The following GOSR1 variants were observed in gnomAD, a reference collection of about 807,000 sequenced individuals.
GOSR1 encodes 28 kDa Golgi SNARE protein.
In GOSR1, 21 loss-of-function variants were observed where a neutral mutation model predicts 35.5. The observed-to-expected ratio is 0.59, with a 90% CI of 0.42 to 0.85. GOSR1 has a LOEUF of 0.85. GOSR1 is among the 40% of genes least tolerant of loss of function. GOSR1 has a pLI of 0.00. For synonymous variants in GOSR1, 94 were observed against 106.6 expected (o/e 0.88, Z 0.73); for missense variants, 285 against 309.6 (o/e 0.92, Z 0.60).
chr17:30,477,915 T>A, intron 1 of GOSR1: 1 of 984,382 alleles, frequency 1.0e-6, no homozygotes, highest in Non-Finnish European at 1.2e-6. Flanking sequence ...AGGAGGAACT[T>A]GCATTCCGGT....
chr17:30,480,745 T>G (rs1567894521), intron 1 of GOSR1: 1 of 91,480 alleles, frequency 1.1e-5, no homozygotes, highest in East Asian at 3.1e-4. Context: ...ATAGTTTTGT[T>G]CTTGTTACCC....
At chr17:30,484,098 T>C (rs1336617205) in intron 2 of GOSR1, 116 bp from the exon 3 acceptor site, 1 of 668,056 alleles carries the variant, frequency 1.5e-6, no homozygotes, top group Non-Finnish European at 2.7e-6. Context: ...TCACAGACCC[T>C]ATATAACATA....
rs76806222 is a variant in GOSR1 at position 30,522,594 on chromosome 17, A to T, written c.*216A>T. On this transcript the variant is annotated 3_prime_UTR_variant, in exon 9 of 9. Transcript: ENST00000451249. Reference sequence around the variant, plus strand: ...CTAACACATTTTTCTGTTTTTAATTAAAAAAAAAAAAAAAAGGTTTTCAGT... The same window carrying T: ...CTAACACATTTTTCTGTTTTTAATTTAAAAAAAAAAAAAAAGGTTTTCAGT... 4.9e-5 allele frequency: 5 copies of T among 102,904 alleles called. No individual in the cohort carries two copies. The highest frequency in any genetic ancestry group is 6.6e-5 in the African/African-American group (1 of 15,178). The allele number at this position is 102,904 out of a possible 1,614,324, so 6.4% of individuals were successfully genotyped here.
At chr17:30,477,935 G>T in intron 1 of GOSR1, 1 of 983,262 alleles carries the variant, frequency 1.0e-6, no homozygotes, top group Non-Finnish European at 1.2e-6. Context: ...TCCGTCGGAG[G>T]AAGTATGAAG....
intron 6 of GOSR1, chr17:30,495,640 C>G: frequency 3.1e-6 from 1 of 318,080 alleles, no homozygotes; most frequent in South Asian, 2.5e-5. Flanking sequence ...TTTCTCCTTC[C>G]AAGCCTCTGC....
At position 30,484,298 on chromosome 17, in the gene GOSR1, A is replaced by C; in HGVS notation, c.231A>C (p.Ala77=). The change falls in exon 3 of 9, where the codon GCA becomes GCC. Residue 77 remains alanine, a synonymous_variant. Transcript: ENST00000451249. Reference sequence around the variant, plus strand: ...CGATTGAGATTGAACAACTTTTGGCAAGGGTAAGTGCTTTCTGTTAAATGG... The same window carrying C: ...CGATTGAGATTGAACAACTTTTGGCCAGGGTAAGTGCTTTCTGTTAAATGG... ...TMAIEIEQLL[A]RLTGVNDKMA... 1 of 1,584,304 alleles carries C rather than the reference A, an allele frequency of 6.3e-7. No homozygotes were observed. Among genetic ancestry groups the C allele is most frequent in the Non-Finnish European group, 8.7e-7 (1 of 1,152,870 alleles).
chr17:30,477,913 C>A, intron 1 of GOSR1: 1 of 984,612 alleles, frequency 1.0e-6, no homozygotes, highest in Non-Finnish European at 1.2e-6. Flanking sequence ...GAAGGAGGAA[C>A]TTGCATTCCG....
At chr17:30,512,501 T>C (rs1967651771) in intron 7 of GOSR1, among the ~76,000 whole-genome samples, 1 of 152,242 alleles carries the variant, frequency 6.6e-6, no homozygotes. Context: ...TTTGTATGGC[T>C]TCATGGATTC....
rs1968119192 is a variant in GOSR1, at chr17:30,523,545, C to A, written c.*1167C>A. ...GAGGTGGGGGGGTCAGCCCCCCGCC[C>A]GGCCAGCCGCCCCGTCCGGGAGGGA... On this transcript the variant is annotated 3_prime_UTR_variant, in exon 9 of 9. Transcript: ENST00000451249. 1 of 154,858 alleles carries A rather than the reference C, an allele frequency of 6.5e-6. No homozygotes were observed. Among genetic ancestry groups the A allele is most frequent in the African/African-American group, 2.5e-5 (1 of 40,172 alleles). The allele number at this position is 154,858 out of a possible 1,614,324, so 9.6% of individuals were successfully genotyped here. A position where few individuals can be genotyped will look rare whatever the true frequency, so the allele number is the denominator to read the frequency against.
intron 7 of GOSR1, among the ~76,000 whole-genome samples, chr17:30,512,231 AC>A (rs1967641867): frequency 6.6e-6 from 1 of 152,224 alleles, no homozygotes; most frequent in African/African-American, 2.4e-5. Context: ...TGATGATAAT[AC>A]TTATCTGTAA....
Position 30,481,232 on chromosome 17 carries a change from A to G in GOSR1, c.121A>G (p.Ser41Gly). ...SKLCTSYSHS[S>G]TRDGRRDSSD... The stretch of plus-strand genomic sequence containing the variant: ...ACTATGTACAAGTTACAGTCATAGC[A>G]GTACCCGAGATGGAAGACGCGACAG... The change falls in exon 2 of 9, where the codon AGT becomes GGT. Residue 41 changes from serine to glycine, a missense_variant. Ser to Gly is a moderately conservative substitution (Grantham distance 56). Around this residue, in one of 3 missense-constraint regions of GOSR1, gnomAD observed 108 missense variants for 98.9 expected, o/e 1.09. Coordinates refer to ENST00000451249, the MANE Select transcript of GOSR1 (RefSeq NM_001007025.2). 2 of 1,606,742 alleles carry G rather than the reference A, an allele frequency of 1.2e-6. No individual in the cohort carries two copies. The highest frequency in any genetic ancestry group is 1.7e-6 in the Non-Finnish European group (2 of 1,173,298).
At position 30,522,701 on chromosome 17, in the gene GOSR1, A is replaced by G. The variant is rs546972969; in HGVS notation, c.*323A>G. 2.1e-3 allele frequency: 387 copies of G among 180,300 alleles called. 1 individual carries two copies. Among genetic ancestry groups the G allele is most frequent in the African/African-American group, 8.7e-3 (372 of 42,646 alleles). 11.2% of individuals were successfully genotyped at this position (180,300 alleles called of 1,614,324 possible). A position where few individuals can be genotyped will look rare whatever the true frequency, so the allele number is the denominator to read the frequency against. The stretch of plus-strand genomic sequence containing the variant: ...TCCATGATAGTGTTGAAGCCTAATG[A>G]CAAGCCAGGTCTTACAGCTGGGCTC... On this transcript the variant is annotated 3_prime_UTR_variant, in exon 9 of 9. Coordinates refer to ENST00000451249, the MANE Select transcript of GOSR1 (RefSeq NM_001007025.2).
At position 30,484,273 on chromosome 17, in the gene GOSR1, C is replaced by G. The variant is rs1452037773; in HGVS notation, c.206C>G (p.Ala69Gly). 4 of 1,610,278 alleles carry G rather than the reference C, an allele frequency of 2.5e-6. No individual in the cohort carries two copies. The Admixed American group carries it at 6.7e-5, about 27-fold the overall frequency. ...CAAGACAGAATGTTTGAGACAATGG[C>G]GATTGAGATTGAACAACTTTTGGCA... ...SSQDRMFETM[A>G]IEIEQLLARL... is the part of the protein sequence containing the mutation. Residue 69 changes from alanine (A) to glycine (G), a missense_variant, in exon 3 of 9, where the codon GCG becomes GGG. Ala to Gly is a moderately conservative substitution (Grantham distance 60, BLOSUM62 0). Transcript: ENST00000451249.
rs35597510 is a variant in GOSR1, at chr17:30,518,437, TAA to T, written c.540-1488_540-1487del. On this transcript the variant is annotated intron_variant, in intron 7 of 8. Coordinates refer to ENST00000451249, the MANE Select transcript of GOSR1 (RefSeq NM_001007025.2). ...TTCCCCAAATCTCAATCTCTTGATTTAAAAAAAAAAAAAAATAGATATTTTCA... is the reference window on the plus strand; with the variant it reads ...TTCCCCAAATCTCAATCTCTTGATTTAAAAAAAAAAAAATAGATATTTTCA... Among the ~76,000 whole-genome samples, 1,183 of 147,626 alleles carry T rather than the reference TAA, an allele frequency of 8.0e-3. 9 individuals are homozygous for T. The highest frequency in any genetic ancestry group is 0.013 in the African/African-American group (538 of 40,328).
intron 7 of GOSR1, among the ~76,000 whole-genome samples, chr17:30,513,347 A>G (rs1047549944): frequency 3.3e-5 from 5 of 152,242 alleles, no homozygotes; most frequent in Admixed American, 2.0e-4. Flanking sequence ...TCCTGTAAGC[A>G]TATCAATGAT....
intron 2 of GOSR1, among the ~76,000 whole-genome samples, chr17:30,484,001 G>C (rs182155868): frequency 1.3e-5 from 2 of 152,142 alleles, no homozygotes. Context: ...TTTCCTCTTG[G>C]TAAGAGTCAA....
At chr17:30,516,848 G>A (rs1036917099) in intron 7 of GOSR1, among the ~76,000 whole-genome samples, 7 of 152,060 alleles carry the variant, frequency 4.6e-5, no homozygotes, top group Non-Finnish European at 1.0e-4. Flanking sequence ...CCAGTAGCTG[G>A]GATTACAGGC....
rs376203669 is a variant in GOSR1, at chr17:30,509,657, C to T, written c.510-1223C>T. Among the ~76,000 whole-genome samples, 75 of 152,276 alleles carry T rather than the reference C, an allele frequency of 4.9e-4. 1 individual carries two copies. The highest frequency in any genetic ancestry group is 1.6e-3 in the African/African-American group (67 of 41,548). Reference sequence around the variant, plus strand: ...GCTGTAAAGATGGCCCTTTTCCAAACTTTACCTATTCATTTCTCCCTAAAA... The same window carrying T: ...GCTGTAAAGATGGCCCTTTTCCAAATTTTACCTATTCATTTCTCCCTAAAA... On this transcript the variant is annotated intron_variant, in intron 6 of 8. Transcript: ENST00000451249.
intron 4 of GOSR1, chr17:30,485,122 G>A: frequency 3.0e-6 from 1 of 337,480 alleles, no homozygotes; most frequent in Non-Finnish European, 5.7e-6. Flanking sequence ...AGCTAGCTTT[G>A]AAGATAATAT....
Sources: gnomAD v4.1 joint callset for allele counts (sites outside exome capture counted in the v4.1 genomes callset) on GRCh38, gnomAD v4.1.1 for gene constraint, gnomAD v4.1.1 regional missense constraint, MANE v1.5 for transcripts, NCBI Gene and HGNC (gene_info 2026-07-23, HGNC 2026-07-21) for gene names.